Variants in SAXO1 observed in about 807,000 individuals in gnomAD.
SAXO1 encodes the protein 4930500O09Rik.
In SAXO1, 21 loss-of-function variants were observed where a neutral mutation model predicts 17.5. The observed-to-expected ratio is 1.20, with a 90% CI of 0.85 to 1.72. SAXO1 has a LOEUF of 1.72. SAXO1 is among the 40% of genes most tolerant of loss of function. SAXO1 has a pLI of 0.00. For synonymous variants in SAXO1, 274 were observed against 216.5 expected, an observed-to-expected ratio of 1.27 and a Z score of -2.33; for missense variants, 843 against 596.0, an observed-to-expected ratio of 1.41 and a Z score of -4.32.
intron 1 of SAXO1, among the ~76,000 whole-genome samples, chr9:19,043,943 G>A (rs950469835): frequency 3.3e-5 from 5 of 152,002 alleles, no homozygotes; most frequent in Non-Finnish European, 5.9e-5. Flanking sequence ...TCGGGAGTTC[G>A]AGACCAGTCT....
chr9:18,967,887 A>AG (rs1832789273), intron 1 of SAXO1, among the ~76,000 whole-genome samples: 1 of 152,194 alleles, frequency 6.6e-6, no homozygotes, highest in Admixed American at 6.5e-5. Flanking sequence ...TAGGCACACA[A>AG]GGGAATCTCC....
intron 1 of SAXO1, among the ~76,000 whole-genome samples, chr9:18,960,096 C>G (rs1405132256): frequency 2.0e-5 from 3 of 152,202 alleles, no homozygotes; most frequent in Non-Finnish European, 4.4e-5. Context: ...TGGAGAGCAC[C>G]TCATGGGCTC....
At chr9:19,045,315 TCAAAAAAAAAAAAA>T (rs1473559620) in intron 1 of SAXO1, among the ~76,000 whole-genome samples, 2 of 35,400 alleles carry the variant, frequency 5.6e-5, no homozygotes, top group African/African-American at 3.9e-4. Flanking sequence ...AGACTCCGTC[TCAAAAAAAAAAAAA>T]AAAAAAAAAA....
rs74305631 is a variant in SAXO1, at chr9:18,934,293, G to A, written c.422-5238C>T. 6.5e-4 allele frequency among the ~76,000 whole-genome samples: 97 copies of A among 148,164 alleles called. 1 individual carries two copies. In the East Asian group the frequency reaches 0.012, roughly 18 times the overall value. ...TTTTCTGCCCCCTTCTTCTCCTTTTGGGGCCATGATTATGAGTATGTTAGT... is the reference window on the plus strand; with the variant it reads ...TTTTCTGCCCCCTTCTTCTCCTTTTAGGGCCATGATTATGAGTATGTTAGT... On this transcript the variant is annotated intron_variant, in intron 3 of 3. Transcript: ENST00000380534.
chr9:19,017,863 A>AC (rs1202968313), intron 1 of SAXO1, among the ~76,000 whole-genome samples: 2 of 152,186 alleles, frequency 1.3e-5, no homozygotes, highest in Non-Finnish European at 2.9e-5. Context: ...CAAGTGAACT[A>AC]CTGGCATAGA....
Position 18,929,043 on chromosome 9 carries a change from G to C in SAXO1, c.434C>G (p.Pro145Arg), listed in dbSNP as rs1021703649. The C allele has an allele frequency of 1.9e-6, 3 of 1,613,594 alleles. No homozygotes were observed. The highest frequency in any genetic ancestry group is 2.5e-6 in the Non-Finnish European group (3 of 1,179,890). Residue 145 changes from proline (P) to arginine (R), a missense_variant, in exon 4 of 4, where the codon CCT becomes CGT. By Grantham distance (103) the Pro-to-Arg change is moderately radical (BLOSUM62 -2). Coordinates refer to ENST00000380534, the MANE Select transcript of SAXO1 (RefSeq NM_153707.4). ...TGGCTCTCGCCTTGGTTGGTTCCAAGGCAAATAATCAGCTGAAATTAAAGC... is the reference window on the plus strand; with the variant it reads ...TGGCTCTCGCCTTGGTTGGTTCCAACGCAAATAATCAGCTGAAATTAAAGC... ...CLPTYKADYL[P>R]WNQPRREPLR...
At chr9:19,028,052 C>T (rs559390990) in intron 1 of SAXO1, 28 of 1,611,416 alleles carry the variant, frequency 1.7e-5, no homozygotes, top group South Asian at 4.4e-5. Flanking sequence ...AGGGGTGCCA[C>T]GGAGCTCACC....
At chr9:19,037,706 A>G (rs988223597), upstream of SAXO1, among the ~76,000 whole-genome samples, 1 of 152,150 alleles carries the variant, frequency 6.6e-6, no homozygotes, top group Non-Finnish European at 1.5e-5. Flanking sequence ...AAAATTGACT[A>G]ATACACCATC....
chr9:18,951,980 G>A (rs976981543), intron 1 of SAXO1, among the ~76,000 whole-genome samples: 2 of 152,202 alleles, frequency 1.3e-5, no homozygotes, highest in Non-Finnish European at 2.9e-5. Context: ...AGTGATGAAT[G>A]AATTGAACAA....
At chr9:19,001,609 C>G (rs2383083) in intron 1 of SAXO1, among the ~76,000 whole-genome samples, 84,999 of 150,706 alleles carry the variant, frequency 0.56, 24,279 homozygotes, top group Non-Finnish European at 0.63. Context: ...GGAGCTTGCA[C>G]TGAGCCGAGA....
chr9:19,036,594 C>G (rs1835946324), upstream of SAXO1, among the ~76,000 whole-genome samples: 1 of 152,166 alleles, frequency 6.6e-6, no homozygotes, highest in Non-Finnish European at 1.5e-5. Context: ...AGGATGCAAG[C>G]CCCAAGCCTT....
At chr9:18,990,978 C>T (rs377216964) in intron 1 of SAXO1, among the ~76,000 whole-genome samples, 228 of 152,202 alleles carry the variant, frequency 1.5e-3, no homozygotes, top group African/African-American at 5.2e-3. Context: ...GTGCACAAGG[C>T]GGGGCATGGT....
chr9:18,940,955 T>G (rs1272959756), intron 3 of SAXO1, among the ~76,000 whole-genome samples: 5 of 152,246 alleles, frequency 3.3e-5, no homozygotes, highest in African/African-American at 1.2e-4. Context: ...ATGGTTATAT[T>G]CTCATTGGGG....
chr9:19,003,428 A>G (rs1466732311), intron 1 of SAXO1, among the ~76,000 whole-genome samples: 1 of 152,246 alleles, frequency 6.6e-6, no homozygotes, highest in African/African-American at 2.4e-5. Context: ...AAGAGCCCAC[A>G]TAGCCAAGAC....
At chr9:19,042,639 G>A (rs1471557508) in intron 1 of SAXO1, among the ~76,000 whole-genome samples, 4 of 152,154 alleles carry the variant, frequency 2.6e-5, no homozygotes, top group Non-Finnish European at 5.9e-5. Flanking sequence ...AAGGCAGGCG[G>A]ATCACCAGAG....
intron 1 of SAXO1, among the ~76,000 whole-genome samples, chr9:19,002,845 G>A (rs55855619): frequency 0.018 from 2,756 of 152,306 alleles, 81 homozygotes; most frequent in African/African-American, 0.061. Context: ...AGACAAGGAT[G>A]CCTTCTCTCA....
intron 1 of SAXO1, among the ~76,000 whole-genome samples, chr9:18,962,896 T>C (rs114106452): frequency 6.6e-6 from 1 of 152,244 alleles, no homozygotes; most frequent in African/African-American, 2.4e-5. Flanking sequence ...TGAATGGTAT[T>C]AGCTAGCTTT....
chr9:18,999,805 C>T (rs1377672800), intron 1 of SAXO1, among the ~76,000 whole-genome samples: 2 of 145,906 alleles, frequency 1.4e-5, no homozygotes, highest in African/African-American at 2.5e-5. Context: ...CACCTCTGCC[C>T]GGCTGTCCCA....
At chr9:18,929,855 AC>A in intron 3 of SAXO1, among the ~76,000 whole-genome samples, 1 of 152,352 alleles carries the variant, frequency 6.6e-6, no homozygotes, top group East Asian at 1.9e-4. Context: ...CCACGATCTG[AC>A]CCACTCTACT....
Sources: allele counts gnomAD v4.1 joint callset (sites outside exome capture counted in the v4.1 genomes callset), GRCh38; gene constraint gnomAD v4.1.1; transcripts MANE v1.5; gene names NCBI Gene and HGNC (gene_info 2026-07-23, HGNC 2026-07-21).